The following IL1R1 variants were observed in gnomAD, a reference collection of about 807,000 sequenced individuals.
IL1R1 encodes interleukin 1 receptor type 1, also known as interleukin-1 receptor type 1.
Under a neutral mutation model 50.2 loss-of-function variants are expected in IL1R1, and 22 were observed. That is an observed-to-expected ratio of 0.44 (90% CI 0.31 to 0.63). IL1R1 has a LOEUF of 0.63. Ranked by LOEUF, IL1R1 falls within the 20% of genes least tolerant of loss-of-function variation. IL1R1 has a pLI of 0.07. For missense variants in IL1R1, 509 were observed against 676.2 expected (o/e 0.75, Z 2.74); for synonymous variants, 251 against 236.7 (o/e 1.06, Z -0.55).
At chr2:102,122,148 A>G (rs191915821) in intron 1 of IL1R1, among the ~76,000 whole-genome samples, 2 of 152,332 alleles carry the variant, frequency 1.3e-5, no homozygotes, top group Admixed American at 1.3e-4. Context: ...TCAAAGAAAA[A>G]ATGTGTCCAT....
In IL1R1 at chr2:102,172,693, A is replaced by G; in HGVS notation, c.846A>G (p.Glu282=). 6.2e-7 allele frequency: 1 copy of G among 1,602,782 alleles called. No individual in the cohort carries two copies. Among genetic ancestry groups the G allele is most frequent in the Non-Finnish European group, 8.5e-7 (1 of 1,175,302 alleles). ...PVLGEDYYSV[E]NPANKRRSTL... is the part of the protein sequence containing the mutation. ...TACTCTCTCTCTCGAATAGTGTGGA[A>G]AATCCTGCAAACAAAAGAAGGAGTA... The change falls in exon 9 of 12, where the codon GAA becomes GAG. Residue 282 remains glutamate, a synonymous_variant. Coordinates refer to ENST00000410023, the MANE Select transcript of IL1R1 (RefSeq NM_000877.4).
upstream of IL1R1, among the ~76,000 whole-genome samples, chr2:102,140,511 C>T (rs183540023): frequency 6.0e-4 from 91 of 152,294 alleles, no homozygotes; most frequent in Admixed American, 5.2e-3. Flanking sequence ...ATTTCTGTTT[C>T]TTGTAAGTTT....
intron 1 of IL1R1, among the ~76,000 whole-genome samples, chr2:102,093,765 C>T (rs1310674321): frequency 6.6e-6 from 1 of 152,238 alleles, no homozygotes; most frequent in Non-Finnish European, 1.5e-5. Flanking sequence ...AGCCGCCCCA[C>T]TCCCCAGCAC....
At chr2:102,086,774 T>C (rs1482612964) in intron 1 of IL1R1, among the ~76,000 whole-genome samples, 1 of 152,246 alleles carries the variant, frequency 6.6e-6, no homozygotes, top group African/African-American at 2.4e-5. Context: ...AGATTTTATA[T>C]TTGTTCACTC....
intron 1 of IL1R1, among the ~76,000 whole-genome samples, chr2:102,110,994 A>C (rs748208243): frequency 4.8e-4 from 73 of 152,164 alleles, no homozygotes; most frequent in Non-Finnish European, 9.4e-4. Flanking sequence ...AGCCAGCCAG[A>C]CAGAGGGCAG....
At chr2:102,150,569 A>G (rs1307136361) in intron 1 of IL1R1, among the ~76,000 whole-genome samples, 2 of 152,220 alleles carry the variant, frequency 1.3e-5, no homozygotes, top group Admixed American at 1.3e-4. Context: ...GTGATACGCC[A>G]GTGTTACCAA....
At position 102,110,094 on chromosome 2, in the gene IL1R1, C is replaced by G. The variant is rs531539178; in HGVS notation, c.-84+5222C>G. On this transcript the variant is annotated intron_variant, in intron 1 of 10. Transcript: ENST00000409329. ...AAAAGGTGAAAGTCTTTTTCTCTTC[C>G]CTTTCTGCAGACGCTTCTTTCCCTC... is the stretch of plus-strand genomic sequence containing the variant. Among the ~76,000 whole-genome samples the G allele has an allele frequency of 9.2e-5, 14 of 152,136 alleles. No individual in the cohort carries two copies. The East Asian group carries it at 2.3e-3, about 25-fold the overall frequency.
rs771761491 is a variant in IL1R1, at chr2:102,171,926, T to C, written c.839+8T>C. On this transcript the variant is annotated splice_region_variant and intron_variant, in intron 8 of 11. Transcript: ENST00000410023. ...AGGGGAAGACTATTACAGGTATGTA[T>C]GCTAAGAGTTATTCACATTTTGGTG... is the stretch of plus-strand genomic sequence containing the variant. The C allele has an allele frequency of 1.1e-5, 15 of 1,384,004 alleles. No individual in the cohort carries two copies. Among genetic ancestry groups the C allele is most frequent in the Admixed American group, 1.8e-5 (1 of 54,540 alleles). The allele number at this position is 1,384,004 out of a possible 1,614,324, so 85.7% of individuals were successfully genotyped here.
At chr2:102,163,972 C>G (rs934143399) in intron 3 of IL1R1, among the ~76,000 whole-genome samples, 1 of 152,170 alleles carries the variant, frequency 6.6e-6, no homozygotes, top group African/African-American at 2.4e-5. Context: ...CAGAACCCTT[C>G]TGGGTACTCT....
chr2:102,084,782 A>T (rs1320612582), intron 1 of IL1R1, among the ~76,000 whole-genome samples: 1 of 152,194 alleles, frequency 6.6e-6, no homozygotes, highest in Admixed American at 6.5e-5. Flanking sequence ...GTCATAAGAT[A>T]TGTATTTGTT....
At chr2:102,146,888 C>T (rs1683178156) in intron 1 of IL1R1, among the ~76,000 whole-genome samples, 1 of 152,186 alleles carries the variant, frequency 6.6e-6, no homozygotes, top group Non-Finnish European at 1.5e-5. Flanking sequence ...GGGTCCCCTT[C>T]CCCACAGGTT....
chr2:102,122,145 A>G (rs1239350813), intron 1 of IL1R1, among the ~76,000 whole-genome samples: 1 of 152,232 alleles, frequency 6.6e-6, no homozygotes, highest in Non-Finnish European at 1.5e-5. Context: ...AGGTCAAAGA[A>G]AAAATGTGTC....
intron 3 of IL1R1, among the ~76,000 whole-genome samples, chr2:102,160,159 G>A (rs774070277): frequency 1.3e-5 from 2 of 152,002 alleles, no homozygotes; most frequent in African/African-American, 2.4e-5. Context: ...TAATAGTCTG[G>A]AAAATTTGCT....
intron 1 of IL1R1, among the ~76,000 whole-genome samples, chr2:102,125,595 G>T (rs868261262): frequency 7.2e-5 from 11 of 152,352 alleles, no homozygotes; most frequent in Middle Eastern, 3.4e-3. Flanking sequence ...AACACAGAAA[G>T]TTGGGCCTTG....
chr2:102,100,550 C>T (rs1024316454), upstream of IL1R1, among the ~76,000 whole-genome samples: 2 of 152,216 alleles, frequency 1.3e-5, no homozygotes, highest in Admixed American at 1.3e-4. Flanking sequence ...TCACTAAGTT[C>T]ACAGCATTTA....
intron 7 of IL1R1, among the ~76,000 whole-genome samples, chr2:102,170,101 A>G (rs1483305465): frequency 2.0e-5 from 3 of 152,228 alleles, no homozygotes; most frequent in Non-Finnish European, 4.4e-5. Context: ...AAAAAGCTTC[A>G]AATTAGGAAA....
chr2:102,167,878 T>A (rs998455168), intron 6 of IL1R1, among the ~76,000 whole-genome samples: 6 of 152,206 alleles, frequency 3.9e-5, no homozygotes, highest in Admixed American at 6.5e-5. Flanking sequence ...CTAGCACTTT[T>A]TGTTCACTCA....
rs754866357 is a variant in IL1R1 at position 102,172,668 on chromosome 2, T to C, written c.840-19T>C. The stretch of plus-strand genomic sequence containing the variant: ...TGCAATTAACTTACACAAGTTTATT[T>C]ACTCTCTCTCTCGAATAGTGTGGAA... On this transcript the variant is annotated intron_variant, in intron 8 of 11. Transcript: ENST00000410023. 2 of 1,580,228 alleles carry C rather than the reference T, an allele frequency of 1.3e-6. No individual in the cohort carries two copies. Among genetic ancestry groups the C allele is most frequent in the South Asian group, 2.3e-5 (2 of 86,900 alleles).
intron 1 of IL1R1, among the ~76,000 whole-genome samples, chr2:102,082,037 G>C (rs542156128): frequency 6.6e-6 from 1 of 152,218 alleles, no homozygotes; most frequent in African/African-American, 2.4e-5. Flanking sequence ...CACCTCTGGA[G>C]CTGCTAAGTC....
Sources: gnomAD v4.1 joint callset for allele counts (sites outside exome capture counted in the v4.1 genomes callset) on GRCh38, gnomAD v4.1.1 for gene constraint, MANE v1.5 for transcripts, NCBI Gene and HGNC (gene_info 2026-07-23, HGNC 2026-07-21) for gene names.